EIF4A1: variants seen among roughly 807,000 people sequenced by gnomAD.
EIF4A1 encodes the protein eukaryotic translation initiation factor 4A1.
In EIF4A1, 11 loss-of-function variants were observed where a neutral mutation model predicts 53.5. That is an observed-to-expected ratio of 0.21 (90% confidence interval 0.13 to 0.34). The LOEUF (loss-of-function observed/expected upper bound fraction) is 0.34, where lower values mean the gene tolerates loss of function less well. Among genes scored for constraint, EIF4A1 ranks in the 10% least tolerant of loss-of-function variants. EIF4A1 has a pLI of 1.00. For synonymous variants in EIF4A1, 237 were observed against 186.7 expected, an observed-to-expected ratio of 1.27 and a Z score of -2.20; for missense variants, 213 against 530.8, an observed-to-expected ratio of 0.40 and a Z score of 5.88.
In EIF4A1 at chr17:7,575,212, C is replaced by A; in HGVS notation, c.299C>A (p.Ala100Asp). 6.2e-7 allele frequency: 1 copy of A among 1,613,710 alleles called. No individual in the cohort carries two copies. Among genetic ancestry groups the A allele is most frequent in the Non-Finnish European group, 8.5e-7 (1 of 1,180,028 alleles). Residue 100 changes from alanine to aspartate, a missense_variant, in exon 4 of 11, where the codon GCC (alanine) becomes GAC (aspartate). By Grantham distance (126) the Ala-to-Asp change is moderately radical. Around this residue, in one of 4 missense-constraint regions of EIF4A1, gnomAD observed 119 missense variants for 351.0 expected, o/e 0.34. Coordinates refer to ENST00000293831, the MANE Select transcript of EIF4A1 (RefSeq NM_001416.4). ...CAGCAGATTGAATTAGATCTAAAAG[C>A]CACCCAGGCCTTGGTCCTAGCACCC... ...ILQQIELDLK[A>D]TQALVLAPTR...
intron 4 of EIF4A1, 106 bp from the exon 5 acceptor site, chr17:7,576,418 G>A: frequency 1.4e-6 from 2 of 1,396,290 alleles, no homozygotes. Context: ...TAATAATAGT[G>A]CATGCCCCAA....
At chr17:7,575,466 A>G (rs2150925504) in intron 4 of EIF4A1, 1 of 814,414 alleles carries the variant, frequency 1.2e-6, no homozygotes, top group South Asian at 1.5e-5. Context: ...CAAATGGGAA[A>G]GCTGTTGGGT....
chr17:7,574,818 C>A, intron 3 of EIF4A1, 140 bp downstream of exon 3: 1 of 1,407,912 alleles, frequency 7.1e-7, no homozygotes, highest in Non-Finnish European at 9.9e-7. Flanking sequence ...TGATCCGTGC[C>A]CATGCCTGGT....
At chr17:7,573,086 G>A (rs1416731890) in intron 1 of EIF4A1, 1 of 696,872 alleles carries the variant, frequency 1.4e-6, no homozygotes, top group African/African-American at 1.8e-5. Context: ...GGCGTGCGAG[G>A]TCTGTTACGA....
rs754615058 is a variant in EIF4A1 at position 7,572,884 on chromosome 17, G to A, written c.23+20G>A. 16 of 1,614,064 alleles carry A rather than the reference G, an allele frequency of 9.9e-6. No individual in the cohort carries two copies. The highest frequency in any genetic ancestry group is 1.6e-4 in the Middle Eastern group (1 of 6,084). ...TTCCCGGTAAGAAAGGCATTTGCAA[G>A]AGATTGTGGCTGCTTATTTTGCCGC... On this transcript the variant is annotated intron_variant, in intron 1 of 10. Transcript: ENST00000293831.
At chr17:7,576,259 G>A (rs1056018282) in intron 4 of EIF4A1, 1 of 353,364 alleles carries the variant, frequency 2.8e-6, no homozygotes, top group Non-Finnish European at 5.1e-6. Flanking sequence ...CTAGAGTAAA[G>A]AAACTGAATT....
chr17:7,578,183 C>T lies in EIF4A1; in HGVS notation c.1015C>T (p.Gln339Ter). 6.2e-7 allele frequency: 1 copy of T among 1,614,178 alleles called. No individual in the cohort carries two copies. The highest frequency in any genetic ancestry group is 8.5e-7 in the Non-Finnish European group (1 of 1,180,030). Residue 339 changes from glutamine to a stop codon, truncating the protein, a stop_gained, in exon 10 of 11, where the codon CAG (glutamine) becomes TAG (stop). Coordinates refer to ENST00000293831, the MANE Select transcript of EIF4A1 (RefSeq NM_001416.4). LOFTEE classifies it high-confidence loss of function. Reference sequence around the variant, plus strand: ...GACGTAGGCCAGAGGCATTGATGTGCAGCAGGTTTCTTTAGTCATCAACTA... The same window carrying T: ...GACGTAGGCCAGAGGCATTGATGTGTAGCAGGTTTCTTTAGTCATCAACTA... ...TDLLARGIDV[Q>*]QVSLVINYDL...
chr17:7,576,219 A>G (rs2071399719), intron 4 of EIF4A1: 3 of 250,042 alleles, frequency 1.2e-5, no homozygotes, highest in Non-Finnish European at 2.3e-5. Context: ...TGGTCAAATT[A>G]GTTTTCAGAA....
At chr17:7,578,085 C>G (rs764223700) in intron 9 of EIF4A1, 80 bp from the exon 10 acceptor site, 1 of 1,600,626 alleles carries the variant, frequency 6.2e-7, no homozygotes, top group Admixed American at 1.7e-5. Flanking sequence ...CTTGGCTGCC[C>G]ACATGGATGC....
intron 3 of EIF4A1, 125 bp from the exon 4 acceptor site, chr17:7,574,994 G>C (rs2071381979): frequency 3.7e-6 from 5 of 1,333,790 alleles, no homozygotes; most frequent in Non-Finnish European, 5.2e-6. Context: ...TGTTGATTGG[G>C]AAGGTAGTTT....
At position 7,574,698 on chromosome 17, in the gene EIF4A1, G is replaced by A. The variant is rs2071376641; in HGVS notation, c.205+20G>A. The A allele has an allele frequency of 6.2e-7, 1 of 1,612,100 alleles. No homozygotes were observed. Among genetic ancestry groups the A allele is most frequent in the East Asian group, 2.2e-5 (1 of 44,892 alleles). ...TCAAGGGTGAGACCTCTCAGTCCCA[G>A]AAGACATTGTGGACTGTCCCTGACC... On this transcript the variant is annotated intron_variant, in intron 3 of 10. Transcript: ENST00000293831.
intron 5 of EIF4A1, 80 bp downstream of exon 5, chr17:7,576,772 C>T: frequency 6.4e-7 from 1 of 1,554,854 alleles, no homozygotes; most frequent in Non-Finnish European, 8.7e-7. Flanking sequence ...AAGCCAGAGT[C>T]ATTCCCAAGG....
Position 7,575,092 on chromosome 17 carries a change from C to T in EIF4A1, c.206-27C>T, listed in dbSNP as rs1373392907. On this transcript the variant is annotated intron_variant, in intron 3 of 10. Transcript: ENST00000293831. ...ATCCCAAAGGGTATGCTCTTTACCA[C>T]ATTCAACTCCTAATTTATTTGTTTA... The T allele has an allele frequency of 1.9e-6, 3 of 1,611,028 alleles. 1 individual carries two copies. The highest frequency in any genetic ancestry group is 2.2e-5 in the South Asian group (2 of 90,972).
At chr17:7,576,856 C>T in intron 5 of EIF4A1, 164 bp downstream of exon 5, 2 of 1,405,326 alleles carry the variant, frequency 1.4e-6, no homozygotes, top group Non-Finnish European at 2.0e-6. Flanking sequence ...TCTGGCTTCC[C>T]TGCCAGTGCA....
rs746655197 is a variant in EIF4A1, at chr17:7,572,850, G to A, written c.9G>A (p.Ala3=). 8.1e-5 allele frequency: 131 copies of A among 1,614,046 alleles called. No individual in the cohort carries two copies. Among genetic ancestry groups the A allele is most frequent in the Non-Finnish European group, 1.1e-4 (124 of 1,179,988 alleles). MS[A]SQDSRSRDNG... The stretch of plus-strand genomic sequence containing the variant: ...CCTAGTTTCTAAGGATCATGTCTGC[G>A]AGCCAGGATTCCCGGTAAGAAAGGC... Residue 3 remains alanine, a synonymous_variant, in exon 1 of 11, where the codon GCG becomes GCA. Coordinates refer to ENST00000293831, the MANE Select transcript of EIF4A1 (RefSeq NM_001416.4).
rs561865587 is a variant in EIF4A1, at chr17:7,573,133, G to A, written c.23+269G>A. 4.0e-4 allele frequency: 235 copies of A among 591,994 alleles called. No individual in the cohort carries two copies. The African/African-American group carries it at 4.0e-3, about 10-fold the overall frequency. The allele number at this position is 591,994 out of a possible 1,614,324, so 36.7% of individuals were successfully genotyped here. ...GAGGCGGTGCCATGCGCGAAGCCCC[G>A]GCGCTGAGTGGCGAGACGGGGTCGC... On this transcript the variant is annotated intron_variant, in intron 1 of 10. Coordinates refer to ENST00000293831, the MANE Select transcript of EIF4A1 (RefSeq NM_001416.4).
chr17:7,576,494 A>G, intron 4 of EIF4A1, 30 bp from the exon 5 acceptor site: 1 of 1,531,206 alleles, frequency 6.5e-7, no homozygotes, highest in East Asian at 2.3e-5. Context: ...GTGGTAACTG[A>G]CATATGAGCA....
At chr17:7,573,186 G>A in intron 1 of EIF4A1, 1 of 532,368 alleles carries the variant, frequency 1.9e-6, no homozygotes, top group East Asian at 3.3e-5. Flanking sequence ...AAAGGTGGAG[G>A]CGGCCGCCAC....
At chr17:7,576,863 T>G in intron 5 of EIF4A1, 171 bp downstream of exon 5, 1 of 1,364,448 alleles carries the variant, frequency 7.3e-7, no homozygotes, top group Non-Finnish European at 1.0e-6. Context: ...TCCCTGCCAG[T>G]GCAGCCCTGG....
Sources: allele counts gnomAD v4.1 joint callset, GRCh38; gene constraint gnomAD v4.1.1; regional missense constraint gnomAD v4.1.1; transcripts MANE v1.5; gene names NCBI Gene and HGNC (gene_info 2026-07-23, HGNC 2026-07-21).